Variants in RBBP4 observed in about 807,000 individuals in gnomAD.
RBBP4 encodes histone-binding protein RBBP4.
A neutral mutation model predicts 57.2 loss-of-function variants in RBBP4; 3 were observed. That is an observed-to-expected ratio of 0.05 (90% CI 0.02 to 0.14). RBBP4 has a LOEUF of 0.14. Ranked by LOEUF, RBBP4 falls within the 10% of genes least tolerant of loss-of-function variation. The pLI is 1.00. For synonymous variants in RBBP4, 151 were observed against 171.5 expected (o/e 0.88, Z 0.93); for missense variants, 107 against 520.6 (o/e 0.21, Z 7.73).
intron 3 of RBBP4, among the ~76,000 whole-genome samples, chr1:32,662,682 T>C (rs969071296): frequency 2.0e-5 from 3 of 151,854 alleles, no homozygotes; most frequent in African/African-American, 7.3e-5. Context: ...CCTAGTTTTG[T>C]TTTTTAAGGA....
chr1:32,680,688 TC>T lies in RBBP4; in HGVS notation c.*985del, dbSNP rs1160562659. ...GATGGGTTTTATTTAGTATAAAACA[TC>T]CATCAAACACCAGTCTCTGGCTTCT... On this transcript the variant is annotated 3_prime_UTR_variant, in exon 12 of 12. Coordinates refer to ENST00000373493, the MANE Select transcript of RBBP4 (RefSeq NM_005610.3). 1.4e-6 allele frequency: 1 copy of T among 710,646 alleles called. No homozygotes were observed. The highest frequency in any genetic ancestry group is 3.4e-5 in the Admixed American group (1 of 29,708). 44.0% of individuals were successfully genotyped at this position (710,646 alleles called of 1,614,324 possible).
chr1:32,652,136 C>T, intron 2 of RBBP4, 75 bp downstream of exon 2: 1 of 1,494,054 alleles, frequency 6.7e-7, no homozygotes, highest in South Asian at 1.3e-5. Flanking sequence ...CTTTTTTCCG[C>T]TCTTCAGTCA....
At chr1:32,679,244 C>T (rs1649270053) in intron 11 of RBBP4, among the ~76,000 whole-genome samples, 1 of 152,104 alleles carries the variant, frequency 6.6e-6, no homozygotes. Context: ...TTGCAGTGAG[C>T]CGAGATGGTG....
intron 3 of RBBP4, chr1:32,662,429 T>G (rs1202625389): frequency 6.1e-6 from 1 of 164,574 alleles, no homozygotes; most frequent in Non-Finnish European, 1.3e-5. Context: ...CAGGCTGGAG[T>G]GCAATGGTGC....
rs1049749066 is a variant in RBBP4, at chr1:32,682,039, G to A, written c.*2334G>A. 5 of 585,434 alleles carry A rather than the reference G, an allele frequency of 8.5e-6. No homozygotes were observed. The highest frequency in any genetic ancestry group is 1.5e-5 in the Non-Finnish European group (5 of 328,952). 36.3% of individuals were successfully genotyped at this position (585,434 alleles called of 1,614,324 possible). ...GAATGAATGGTGATGGTGATGGGAGGGATAGTTAAACGTTTTCTCTGCTAG... is the reference window on the plus strand; with the variant it reads ...GAATGAATGGTGATGGTGATGGGAGAGATAGTTAAACGTTTTCTCTGCTAG... On this transcript the variant is annotated 3_prime_UTR_variant, in exon 12 of 12. Transcript: ENST00000373493.
intron 3 of RBBP4, among the ~76,000 whole-genome samples, chr1:32,658,360 G>GT (rs1012588762): frequency 7.2e-4 from 12 of 16,742 alleles, no homozygotes; most frequent in Non-Finnish European, 1.8e-3. Context: ...AGGAGCAATA[G>GT]TAAAAAAAAA....
chr1:32,677,751 A>C (rs1406385791), intron 11 of RBBP4, among the ~76,000 whole-genome samples: 2 of 152,126 alleles, frequency 1.3e-5, no homozygotes, highest in African/African-American at 4.8e-5. Context: ...GGTACCCCAC[A>C]TTTGGTGTTA....
At chr1:32,667,035 G>T (rs1490521352) in intron 3 of RBBP4, among the ~76,000 whole-genome samples, 1 of 152,164 alleles carries the variant, frequency 6.6e-6, no homozygotes, top group Non-Finnish European at 1.5e-5. Context: ...GCCTGGGAAG[G>T]TACCCATTAC....
chr1:32,652,698 C>G (rs998462931), intron 2 of RBBP4, among the ~76,000 whole-genome samples: 5 of 152,220 alleles, frequency 3.3e-5, no homozygotes, highest in African/African-American at 1.2e-4. Flanking sequence ...CCTGCCACCA[C>G]GCCTGGCTAA....
intron 11 of RBBP4, among the ~76,000 whole-genome samples, chr1:32,675,413 CTTT>C (rs940262250): frequency 6.6e-6 from 1 of 151,332 alleles, no homozygotes; most frequent in African/African-American, 2.4e-5. Context: ...TACATCCATA[CTTT>C]TTTTTTCTTT....
chr1:32,663,775 A>ACGGTGTTAGCCAGGATGGT (rs1553194920), intron 3 of RBBP4, among the ~76,000 whole-genome samples: 4 of 150,988 alleles, frequency 2.6e-5, no homozygotes, highest in African/African-American at 7.3e-5. Context: ...ACGGGGTTTC[A>ACGGTGTTAGCCAGGATGGT]CGGTGTTAGC....
Position 32,677,483 on chromosome 1 carries a change from AAAACAAAAAAC to A in RBBP4, c.1213-2144_1213-2134del, listed in dbSNP as rs559825711. Among the ~76,000 whole-genome samples the A allele has an allele frequency of 2.3e-3, 312 of 133,874 alleles. 9 individuals carry two copies. In the East Asian group the frequency reaches 0.063, roughly 27 times the overall value. The allele number at this position is 133,874 out of a possible 152,430, so 87.8% of individuals were successfully genotyped here. ...GTATCCTTTATTTAAAAAAAAAAAC[AAAACAAAAAAC>A]AAACAAAAAACAGTAATAGTAAAAA... On this transcript the variant is annotated intron_variant, in intron 11 of 11. Coordinates refer to ENST00000373493, the MANE Select transcript of RBBP4 (RefSeq NM_005610.3).
intron 1 of RBBP4, 46 bp from the exon 2 acceptor site, chr1:32,651,868 G>C (rs1647735663): frequency 1.3e-6 from 2 of 1,590,672 alleles, no homozygotes; most frequent in African/African-American, 1.3e-5. Flanking sequence ...AGGATTACTC[G>C]GTTTCCGTTT....
Position 32,672,811 on chromosome 1 carries a change from T to C in RBBP4, c.1122T>C (p.Thr374=), listed in dbSNP as rs1260604044. 1 of 1,613,644 alleles carries C rather than the reference T, an allele frequency of 6.2e-7. No individual in the cohort carries two copies. The highest frequency in any genetic ancestry group is 8.5e-7 in the Non-Finnish European group (1 of 1,179,518). Residue 374 remains threonine (T), a synonymous_variant, in exon 11 of 12, where the codon ACT becomes ACC. Transcript: ENST00000373493. ...PELLFIHGGH[T]AKISDFSWNP... ...TTCAGTTTATTCATGGTGGTCATAC[T>C]GCCAAGATATCTGATTTCTCCTGGA...
chr1:32,670,468 AAAG>A (rs1442468294), intron 8 of RBBP4, among the ~76,000 whole-genome samples: 1 of 152,250 alleles, frequency 6.6e-6, no homozygotes, highest in Non-Finnish European at 1.5e-5. Flanking sequence ...AAAATTAAAA[AAAG>A]AAATAATCAC....
Position 32,680,374 on chromosome 1 carries a change from T to TTA in RBBP4, c.*670_*671insAT. 8.7e-7 allele frequency: 1 copy of TTA among 1,148,448 alleles called. No homozygotes were observed. Among genetic ancestry groups the TTA allele is most frequent in the East Asian group, 4.2e-5 (1 of 23,828 alleles). The allele number at this position is 1,148,448 out of a possible 1,614,324, so 71.1% of individuals were successfully genotyped here. A position where few individuals can be genotyped will look rare whatever the true frequency, so the allele number is the denominator to read the frequency against. On this transcript the variant is annotated 3_prime_UTR_variant, in exon 12 of 12. Coordinates refer to ENST00000373493, the MANE Select transcript of RBBP4 (RefSeq NM_005610.3). ...TGTTGTTGGTTTTTTTTTTTTTTTT[T>TTA]TTAACTTGGGACCACCAAGTTGTAA...
intron 4 of RBBP4, 62 bp downstream of exon 4, chr1:32,668,460 CTG>C: frequency 1.4e-6 from 2 of 1,443,300 alleles, no homozygotes; most frequent in Non-Finnish European, 1.9e-6. Flanking sequence ...GTTCCACTCA[CTG>C]TGAGTTTAAT....
Position 32,681,229 on chromosome 1 carries a change from T to C in RBBP4, c.*1524T>C, listed in dbSNP as rs540739401. 6.6e-6 allele frequency: 1 copy of C among 152,602 alleles called. No individual in the cohort carries two copies. The highest frequency in any genetic ancestry group is 2.4e-5 in the African/African-American group (1 of 41,568). 9.5% of individuals were successfully genotyped at this position (152,602 alleles called of 1,614,324 possible). On this transcript the variant is annotated 3_prime_UTR_variant, in exon 12 of 12. Coordinates refer to ENST00000373493, the MANE Select transcript of RBBP4 (RefSeq NM_005610.3). ...GGGAAAATCTGAATAGCGTTAACCA[T>C]TAGATTCAAATCTCAAATGGTTTCT... is the stretch of plus-strand genomic sequence containing the variant.
intron 3 of RBBP4, 78 bp downstream of exon 3, chr1:32,657,650 A>T: frequency 1.4e-6 from 2 of 1,463,540 alleles, no homozygotes; most frequent in African/African-American, 1.4e-5. Context: ...GTAAACTCTG[A>T]CTTTAGAAAC....
Sources: allele counts gnomAD v4.1 joint callset (sites outside exome capture counted in the v4.1 genomes callset), GRCh38; gene constraint gnomAD v4.1.1; transcripts MANE v1.5; gene names NCBI Gene and HGNC (gene_info 2026-07-23, HGNC 2026-07-21).